Variants in GALNT13 observed in about 807,000 individuals in gnomAD.
The protein encoded by GALNT13 is polypeptide N-acetylgalactosaminyltransferase 13.
A neutral mutation model predicts 64.2 loss-of-function variants in GALNT13; 28 were observed. The observed-to-expected ratio is 0.44, with a 90% CI of 0.32 to 0.60. The LOEUF (loss-of-function observed/expected upper bound fraction) is 0.60, where lower values mean the gene tolerates loss of function less well. Among genes scored for constraint, GALNT13 ranks in the 20% least tolerant of loss-of-function variants. The pLI is 0.05. For synonymous variants in GALNT13, 214 were observed against 224.6 expected, an observed-to-expected ratio of 0.95 and a Z score of 0.42; for missense variants, 577 against 669.8, an observed-to-expected ratio of 0.86 and a Z score of 1.53.
the GALNT13 span, among the ~76,000 whole-genome samples, chr2:153,639,535 A>C: frequency 2.0e-5 from 3 of 152,180 alleles, no homozygotes; most frequent in Non-Finnish European, 2.9e-5. Flanking sequence ...GAGTGATAGC[A>C]GTGTGCAAGA....
At chr2:153,814,434 C>A in the GALNT13 span, among the ~76,000 whole-genome samples, 2 of 150,038 alleles carry the variant, frequency 1.3e-5, no homozygotes, top group Non-Finnish European at 2.9e-5. Flanking sequence ...AGCGAGACTC[C>A]GTCTCAATAA....
the GALNT13 span, among the ~76,000 whole-genome samples, chr2:153,767,979 T>A: frequency 6.6e-6 from 1 of 152,162 alleles, no homozygotes; most frequent in Non-Finnish European, 1.5e-5. Context: ...TCTATTTTTG[T>A]TTTTGTTGCA....
At chr2:153,413,880 C>T in the GALNT13 span, among the ~76,000 whole-genome samples, 1 of 152,038 alleles carries the variant, frequency 6.6e-6, no homozygotes, top group Admixed American at 6.6e-5. Context: ...AGCATCTAAG[C>T]GTTACCCACA....
In GALNT13 at chr2:154,092,818, GC is replaced by G. The variant is rs201530312; in HGVS notation, c.143-47518del. 7.0e-3 allele frequency among the ~76,000 whole-genome samples: 1,063 copies of G among 152,060 alleles called. 11 individuals are homozygous for G. The highest frequency in any genetic ancestry group is 0.024 in the African/African-American group (979 of 41,524). On this transcript the variant is annotated intron_variant, in intron 3 of 12. Transcript: ENST00000392825. ...ATTGAGTGTTCTTGTGAAGTAAGAG[GC>G]ATGAAGTACGACTACAGGGAATATT...
the GALNT13 span, among the ~76,000 whole-genome samples, chr2:153,555,630 C>T: frequency 1.3e-5 from 2 of 152,130 alleles, no homozygotes; most frequent in African/African-American, 4.8e-5. Flanking sequence ...TACCCTTATC[C>T]CATTTTACAC....
chr2:153,561,695 A>G, the GALNT13 span, among the ~76,000 whole-genome samples: 2 of 147,916 alleles, frequency 1.4e-5, no homozygotes. Flanking sequence ...CACTTAGGTT[A>G]GGTAAGACCT....
At position 154,014,635 on chromosome 2, in the gene GALNT13, C is replaced by CTTTTTTTTTTTTTTTTTT. The variant is rs60950180; in HGVS notation, c.142+70011_142+70012insTTTTTTTTTTTTTTTTTT. Among the ~76,000 whole-genome samples the CTTTTTTTTTTTTTTTTTT allele has an allele frequency of 8.0e-4, 62 of 77,216 alleles. 4 individuals carry two copies. The highest frequency in any genetic ancestry group is 4.2e-3 in the South Asian group (8 of 1,896). 50.7% of individuals were successfully genotyped at this position (77,216 alleles called of 152,430 possible). On this transcript the variant is annotated intron_variant, in intron 3 of 12. Coordinates refer to ENST00000392825, the MANE Select transcript of GALNT13 (RefSeq NM_052917.4). The stretch of plus-strand genomic sequence containing the variant: ...ACTTTTTGTCTTTCTGATAATTCTC[C>CTTTTTTTTTTTTTTTTTT]TTTTTTTTTTTTTTTGAGACGGAGT...
At chr2:154,191,772 C>G (rs1573846513) in intron 4 of GALNT13, among the ~76,000 whole-genome samples, 2 of 152,214 alleles carry the variant, frequency 1.3e-5, no homozygotes, top group Middle Eastern at 6.8e-3. Flanking sequence ...TTCGACCCCA[C>G]GGCAGTGTCT....
intron 3 of GALNT13, among the ~76,000 whole-genome samples, chr2:153,991,489 T>G (rs934269577): frequency 6.6e-6 from 1 of 152,104 alleles, no homozygotes; most frequent in African/African-American, 2.4e-5. Context: ...GAGGAGTGTA[T>G]GGGCAGGAGG....
chr2:153,986,776 A>G (rs549366216), intron 3 of GALNT13, among the ~76,000 whole-genome samples: 1 of 152,072 alleles, frequency 6.6e-6, no homozygotes, highest in Non-Finnish European at 1.5e-5. Flanking sequence ...GATGAAGGGG[A>G]GAATTATAAG....
chr2:153,426,819 G>C, the GALNT13 span, among the ~76,000 whole-genome samples: 2 of 151,696 alleles, frequency 1.3e-5, no homozygotes, highest in African/African-American at 4.8e-5. Flanking sequence ...GTCTCAGTGG[G>C]CTCCTTTGAA....
the GALNT13 span, among the ~76,000 whole-genome samples, chr2:153,364,829 C>A: frequency 2.4e-4 from 36 of 152,078 alleles, no homozygotes; most frequent in Non-Finnish European, 2.9e-4. Context: ...TTTATGGATT[C>A]AATGCTAATC....
At chr2:154,201,376 G>A (rs1281830937) in intron 4 of GALNT13, among the ~76,000 whole-genome samples, 1 of 152,078 alleles carries the variant, frequency 6.6e-6, no homozygotes, top group Non-Finnish European at 1.5e-5. Context: ...ATTCAATTTA[G>A]GGAGAAACTC....
chr2:153,887,329 G>A (rs146406801), intron 1 of GALNT13, among the ~76,000 whole-genome samples: 9 of 149,936 alleles, frequency 6.0e-5, no homozygotes, highest in Admixed American at 1.4e-4. Context: ...GGTATCTAGT[G>A]TGACAGGTGC....
At chr2:153,641,277 G>A in the GALNT13 span, among the ~76,000 whole-genome samples, 10 of 152,140 alleles carry the variant, frequency 6.6e-5, no homozygotes, top group African/African-American at 1.9e-4. Context: ...GTATGAAACA[G>A]TGTCTCACAG....
At chr2:153,758,301 G>C in the GALNT13 span, among the ~76,000 whole-genome samples, 1 of 131,254 alleles carries the variant, frequency 7.6e-6, no homozygotes, top group Non-Finnish European at 1.7e-5. Flanking sequence ...GAATAAATGG[G>C]GTTTTTTTTT....
the GALNT13 span, among the ~76,000 whole-genome samples, chr2:153,793,059 C>T: frequency 1.6e-4 from 24 of 149,784 alleles, no homozygotes; most frequent in South Asian, 8.4e-4. Context: ...GCAATCTCTG[C>T]CTCCTGGGTT....
rs529997090 is a variant in GALNT13 at position 154,204,630 on chromosome 2, C to T, written c.312-37400C>T. ...ATAAGGTGATGGACCTTTTACCATT[C>T]TCCAAATCCATAAGATAAAGTCAAA... On this transcript the variant is annotated intron_variant, in intron 4 of 12. Transcript: ENST00000392825. Among the ~76,000 whole-genome samples, 125 of 152,268 alleles carry T rather than the reference C, an allele frequency of 8.2e-4. 1 individual carries two copies. Among genetic ancestry groups the T allele is most frequent in the Non-Finnish European group, 1.7e-3 (114 of 68,016 alleles).
At chr2:153,301,434 G>T in the GALNT13 span, among the ~76,000 whole-genome samples, 5 of 151,696 alleles carry the variant, frequency 3.3e-5, no homozygotes, top group Non-Finnish European at 5.9e-5. Context: ...CAAATAAAAG[G>T]TGTATATATG....
Sources: gnomAD v4.1 joint callset for allele counts (sites outside exome capture counted in the v4.1 genomes callset) on GRCh38, gnomAD v4.1.1 for gene constraint, MANE v1.5 for transcripts, NCBI Gene and HGNC (gene_info 2026-07-23, HGNC 2026-07-21) for gene names.